Variants in RORA observed in about 807,000 individuals in gnomAD.
RORA encodes RAR related orphan receptor A.
A neutral mutation model predicts 69.5 loss-of-function variants in RORA; 7 were observed. That is an observed-to-expected ratio of 0.10 (90% CI 0.06 to 0.19). The LOEUF (loss-of-function observed/expected upper bound fraction) is 0.19, where lower values mean the gene tolerates loss of function less well. Ranked by LOEUF, RORA falls within the 10% of genes least tolerant of loss-of-function variation. The pLI, the probability that RORA is intolerant of heterozygous loss-of-function variation, is 1.00. For missense variants in RORA, 457 were observed against 663.0 expected, an observed-to-expected ratio of 0.69 and a Z score of 3.41; for synonymous variants, 261 against 240.8, an observed-to-expected ratio of 1.08 and a Z score of -0.78.
intron 1 of RORA, among the ~76,000 whole-genome samples, chr15:61,035,596 A>G (rs1257560645): frequency 6.6e-6 from 1 of 152,214 alleles, no homozygotes; most frequent in Admixed American, 6.5e-5. Context: ...TCAAGCTTCT[A>G]GAATGAGACA....
chr15:60,889,117 T>C (rs1381606222), intron 1 of RORA, among the ~76,000 whole-genome samples: 1 of 152,214 alleles, frequency 6.6e-6, no homozygotes, highest in Non-Finnish European at 1.5e-5. Context: ...TTGCCTCCCA[T>C]GTCGCACACT....
intron 1 of RORA, among the ~76,000 whole-genome samples, chr15:61,146,442 C>T (rs1032287418): frequency 7.5e-6 from 1 of 133,314 alleles, no homozygotes; most frequent in Non-Finnish European, 1.6e-5. Context: ...CCTTCCTCCC[C>T]CCAACACACA....
intron 1 of RORA, among the ~76,000 whole-genome samples, chr15:61,010,332 T>C (rs961827588): frequency 1.3e-5 from 2 of 152,210 alleles, no homozygotes; most frequent in Non-Finnish European, 2.9e-5. Context: ...GAGTCCCATC[T>C]GAGATGTCCC....
chr15:60,988,038 T>A (rs1894262195), intron 1 of RORA, among the ~76,000 whole-genome samples: 1 of 152,222 alleles, frequency 6.6e-6, no homozygotes, highest in Non-Finnish European at 1.5e-5. Context: ...GCTGCCAAGA[T>A]GTTCTTACTC....
intron 1 of RORA, among the ~76,000 whole-genome samples, chr15:61,003,242 C>T (rs542706596): frequency 2.6e-5 from 4 of 151,820 alleles, no homozygotes; most frequent in Non-Finnish European, 4.4e-5. Context: ...CAGTTTAAAA[C>T]GAAAAGTAGT....
chr15:60,489,358 C>T lies in RORA; in HGVS notation c.*8097G>A, dbSNP rs572936077. ...ATAATCATGGCTTGAGAATTTATCA[C>T]CTTCAGTTACAAAAAGTGCAGTAAA... On this transcript the variant is annotated 3_prime_UTR_variant, in exon 11 of 11. Coordinates refer to ENST00000335670, the MANE Select transcript of RORA (RefSeq NM_134261.3). The T allele has an allele frequency of 9.2e-5, 14 of 152,272 alleles. No homozygotes were observed. Among genetic ancestry groups the T allele is most frequent in the East Asian group, 5.8e-4 (3 of 5,190 alleles). The allele number at this position is 152,272 out of a possible 1,614,324, so 9.4% of individuals were successfully genotyped here. A position where few individuals can be genotyped will look rare whatever the true frequency, so the allele number is the denominator to read the frequency against.
chr15:60,611,461 G>A (rs547016184), intron 2 of RORA, among the ~76,000 whole-genome samples: 8 of 145,004 alleles, frequency 5.5e-5, no homozygotes, highest in African/African-American at 2.0e-4. Flanking sequence ...CTAGTGATAT[G>A]AAAATGCATC....
Position 61,147,766 on chromosome 15 carries a change from C to CGCGTGTGTGTGTGTGTGT in RORA, c.166+81286_166+81287insACACACACACACACACGC, listed in dbSNP as rs375270045. Among the ~76,000 whole-genome samples the CGCGTGTGTGTGTGTGTGT allele has an allele frequency of 6.8e-6, 1 of 147,588 alleles. No individual in the cohort carries two copies. The highest frequency in any genetic ancestry group is 1.5e-5 in the Non-Finnish European group (1 of 66,912). On this transcript the variant is annotated intron_variant, in intron 1 of 10. Coordinates refer to ENST00000335670, the MANE Select transcript of RORA (RefSeq NM_134261.3). This position sits in a 1 kb window ranked among gnomAD's most constrained non-coding sequence, Gnocchi z 4.1. The stretch of plus-strand genomic sequence containing the variant: ...TGGTCAGTAGGCACGTGCGCACACG[C>CGCGTGTGTGTGTGTGTGT]GTGTGTGTGTGTGTGTGTGTGTGTG...
chr15:60,573,362 C>T (rs1346937141), intron 2 of RORA, among the ~76,000 whole-genome samples: 4 of 152,220 alleles, frequency 2.6e-5, no homozygotes, highest in Non-Finnish European at 4.4e-5. Context: ...CAACACCATA[C>T]AAGAGGCAGA....
chr15:60,515,160 G>C (rs1479662019), intron 3 of RORA, among the ~76,000 whole-genome samples: 2 of 152,202 alleles, frequency 1.3e-5, no homozygotes, highest in African/African-American at 4.8e-5. Flanking sequence ...GAATATCCAA[G>C]TTAAGGAAAA....
At chr15:60,770,820 G>T (rs1475102728) in intron 1 of RORA, among the ~76,000 whole-genome samples, 1 of 152,044 alleles carries the variant, frequency 6.6e-6, no homozygotes, top group Non-Finnish European at 1.5e-5. Context: ...TGATTCTCAG[G>T]CTCCTTTTTG....
chr15:60,731,247 C>A (rs1343304342), intron 1 of RORA, among the ~76,000 whole-genome samples: 1 of 152,152 alleles, frequency 6.6e-6, no homozygotes, highest in East Asian at 1.9e-4. Context: ...AACCCCCAAA[C>A]AATACACTTG....
chr15:60,834,325 G>C (rs2073086297), intron 1 of RORA, among the ~76,000 whole-genome samples: 1 of 152,160 alleles, frequency 6.6e-6, no homozygotes, highest in Non-Finnish European at 1.5e-5. Context: ...TGGTAATAAA[G>C]TCTAAGTCAA....
intron 3 of RORA, among the ~76,000 whole-genome samples, chr15:60,517,625 G>T (rs2066008801): frequency 6.6e-6 from 1 of 152,156 alleles, no homozygotes; most frequent in African/African-American, 2.4e-5. Flanking sequence ...CAAGAGGTCA[G>T]CTGTCTAGGT....
chr15:61,060,099 G>C (rs1051066719), intron 1 of RORA, among the ~76,000 whole-genome samples: 1 of 152,156 alleles, frequency 6.6e-6, no homozygotes, highest in Non-Finnish European at 1.5e-5. Context: ...TGGAGGTGGA[G>C]GGGTTTCCGT....
intron 1 of RORA, chr15:60,765,051 T>C (rs1359276387): frequency 6.6e-6 from 1 of 151,966 alleles, no homozygotes. Flanking sequence ...TGGTGCCCAG[T>C]TTCAACATGG....
intron 2 of RORA, among the ~76,000 whole-genome samples, chr15:60,562,061 A>G (rs1394142388): frequency 1.3e-5 from 2 of 151,804 alleles, no homozygotes; most frequent in African/African-American, 2.4e-5. Context: ...CTCCTGCCTC[A>G]GCCTCCTGAG....
At chr15:60,597,584 A>G (rs2068710782) in intron 2 of RORA, among the ~76,000 whole-genome samples, 2 of 22,302 alleles carry the variant, frequency 9.0e-5, no homozygotes, top group Admixed American at 7.2e-4. Context: ...ACACATATAT[A>G]TATATATATA....
intron 5 of RORA, among the ~76,000 whole-genome samples, chr15:60,508,246 A>G (rs1423830951): frequency 6.6e-6 from 1 of 152,094 alleles, no homozygotes; most frequent in Non-Finnish European, 1.5e-5. Context: ...TCTATAGTCT[A>G]CCTCACTTTG....
Sources: allele counts gnomAD v4.1 joint callset (sites outside exome capture counted in the v4.1 genomes callset), GRCh38; gene constraint gnomAD v4.1.1; non-coding constraint Gnocchi (gnomAD v3.1); transcripts MANE v1.5; gene names NCBI Gene and HGNC (gene_info 2026-07-23, HGNC 2026-07-21).